Variants in NACC2 observed in about 807,000 individuals in gnomAD.
The protein encoded by NACC2 is NACC family member 2, also known as nucleus accumbens-associated protein 2.
NACC2 carries 8 observed loss-of-function variants against 25.1 expected under a neutral mutation model. That is an observed-to-expected ratio of 0.32 (90% CI 0.19 to 0.57). The LOEUF is 0.57. NACC2 is among the 20% of genes least tolerant of loss of function. The pLI is 0.89. For missense variants in NACC2, 644 were observed against 650.2 expected, an observed-to-expected ratio of 0.99 and a Z score of 0.10; for synonymous variants, 435 against 294.7, an observed-to-expected ratio of 1.48 and a Z score of -4.88.
intron 1 of NACC2, among the ~76,000 whole-genome samples, chr9:136,067,772 T>C (rs921474107): frequency 6.6e-6 from 1 of 152,072 alleles, no homozygotes; most frequent in African/African-American, 2.4e-5. Context: ...GAGGCGGAGG[T>C]TGCGGTGAGC....
intron 1 of NACC2, among the ~76,000 whole-genome samples, chr9:136,072,431 G>C (rs1830202812): frequency 6.6e-6 from 1 of 152,134 alleles, no homozygotes; most frequent in Non-Finnish European, 1.5e-5. Flanking sequence ...TATAATCCCA[G>C]CTACTTGAGA....
At chr9:136,071,691 T>A (rs1841154253) in intron 1 of NACC2, among the ~76,000 whole-genome samples, 1 of 152,098 alleles carries the variant, frequency 6.6e-6, no homozygotes, top group Non-Finnish European at 1.5e-5. Flanking sequence ...GGCTACCTGA[T>A]TTCAAGGCTT....
intron 1 of NACC2, among the ~76,000 whole-genome samples, chr9:136,091,063 G>A (rs1037115340): frequency 2.0e-5 from 3 of 152,178 alleles, no homozygotes; most frequent in Non-Finnish European, 4.4e-5. Context: ...AGAGAGACCC[G>A]GAGCCAGCCT....
At position 136,006,976 on chromosome 9, in the gene NACC2, TA is replaced by T. The variant is rs1396612288; in HGVS notation, c.*4539del. On this transcript the variant is annotated 3_prime_UTR_variant, in exon 6 of 6. Coordinates refer to ENST00000277554, the MANE Select transcript of NACC2 (RefSeq NM_144653.5). ...CTCTTTAAAACAACCGTCTCCTTTT[TA>T]AAAGTCTCTTTTTTCCAAACATTCC... 3.9e-5 allele frequency: 6 copies of T among 153,932 alleles called. No homozygotes were observed. Among genetic ancestry groups the T allele is most frequent in the African/African-American group, 1.4e-4 (6 of 41,524 alleles). 9.5% of individuals were successfully genotyped at this position (153,932 alleles called of 1,614,324 possible). A position where few individuals can be genotyped will look rare whatever the true frequency, so the allele number is the denominator to read the frequency against.
At chr9:136,088,270 C>T (rs7468849) in intron 1 of NACC2, among the ~76,000 whole-genome samples, 82,510 of 151,920 alleles carry the variant, frequency 0.54, 24,014 homozygotes, top group South Asian at 0.69. Context: ...CCACTGCCCA[C>T]ATCAGGCCCA....
chr9:136,056,990 G>A (rs1019333317), intron 1 of NACC2, among the ~76,000 whole-genome samples: 4 of 152,242 alleles, frequency 2.6e-5, no homozygotes, highest in African/African-American at 9.6e-5. Context: ...GGACACAGCA[G>A]GGGGTCTCTG....
At chr9:136,048,451 C>A (rs939613) in intron 2 of NACC2, among the ~76,000 whole-genome samples, 151,004 of 152,342 alleles carry the variant, frequency 0.99, 74,854 homozygotes, top group East Asian at 1. Context: ...AGTCTCAGGA[C>A]AAATCAAGCC....
At chr9:136,076,279 T>C (rs1830261955) in intron 1 of NACC2, among the ~76,000 whole-genome samples, 1 of 152,112 alleles carries the variant, frequency 6.6e-6, no homozygotes, top group Admixed American at 6.6e-5. Flanking sequence ...AACCCAACAA[T>C]CTATCCAGCC....
At chr9:136,057,936 G>A (rs143653445) in intron 1 of NACC2, among the ~76,000 whole-genome samples, 5 of 152,178 alleles carry the variant, frequency 3.3e-5, no homozygotes, top group African/African-American at 9.6e-5. Flanking sequence ...TAGAGACGGC[G>A]ACTTCGCGGC....
In NACC2 at chr9:136,055,913, G is replaced by A. The variant is rs1387460568; in HGVS notation, c.-59-5333C>T. On this transcript the variant is annotated intron_variant, in intron 1 of 5. Coordinates refer to ENST00000277554, the MANE Select transcript of NACC2 (RefSeq NM_144653.5). The surrounding 1 kb of genome is among the most constrained non-coding windows in gnomAD (Gnocchi z 4.9). The stretch of plus-strand genomic sequence containing the variant: ...CGTGAGAAGGTGTGGGGATGGGGCG[G>A]GCCTGCTGTGCCAGGTGCTCTGGAG... Among the ~76,000 whole-genome samples, 1 of 152,170 alleles carries A rather than the reference G, an allele frequency of 6.6e-6. No individual in the cohort carries two copies. Among genetic ancestry groups the A allele is most frequent in the African/African-American group, 2.4e-5 (1 of 41,434 alleles).
At chr9:136,031,884 TCTAA>T (rs1840479407) in intron 2 of NACC2, among the ~76,000 whole-genome samples, 1 of 151,626 alleles carries the variant, frequency 6.6e-6, no homozygotes, top group Non-Finnish European at 1.5e-5. Flanking sequence ...TCCCACCTCC[TCTAA>T]CTGTGAGGTT....
chr9:136,054,201 C>T (rs1249062307), intron 1 of NACC2, among the ~76,000 whole-genome samples: 9 of 152,230 alleles, frequency 5.9e-5, no homozygotes, highest in East Asian at 1.9e-4. Flanking sequence ...GGCGTCTTAA[C>T]GCCCAGCCCA....
At chr9:136,064,673 C>G (rs952854351) in intron 1 of NACC2, among the ~76,000 whole-genome samples, 3 of 152,176 alleles carry the variant, frequency 2.0e-5, no homozygotes, top group Admixed American at 2.0e-4. Flanking sequence ...AATGCAATCT[C>G]TATCAAAATT....
intron 1 of NACC2, among the ~76,000 whole-genome samples, chr9:136,083,117 TC>T (rs1320960354): frequency 6.6e-6 from 1 of 152,190 alleles, no homozygotes; most frequent in Non-Finnish European, 1.5e-5. Context: ...AGGGCCCTCT[TC>T]CTCGATGCCA....
chr9:136,027,629 AG>A (rs572582163), intron 2 of NACC2, among the ~76,000 whole-genome samples: 1 of 151,996 alleles, frequency 6.6e-6, no homozygotes, highest in Non-Finnish European at 1.5e-5. Context: ...CAAGGGCAAA[AG>A]GGAAAAAAAA....
chr9:136,071,064 A>C (rs1357976695), intron 1 of NACC2, among the ~76,000 whole-genome samples: 1 of 150,802 alleles, frequency 6.6e-6, no homozygotes, highest in African/African-American at 2.5e-5. Flanking sequence ...ACCCATCTCT[A>C]CTAAAAAAAA....
intron 1 of NACC2, among the ~76,000 whole-genome samples, chr9:136,069,733 G>C (rs1329039308): frequency 2.0e-5 from 3 of 151,814 alleles, no homozygotes; most frequent in African/African-American, 7.3e-5. Flanking sequence ...AGATAGAGTA[G>C]GACGTGACAT....
intron 1 of NACC2, among the ~76,000 whole-genome samples, chr9:136,085,890 G>A (rs1564244352): frequency 6.6e-6 from 1 of 152,274 alleles, no homozygotes. Context: ...AGAGCCCAGA[G>A]GCCGGGCGCC....
intron 1 of NACC2, among the ~76,000 whole-genome samples, chr9:136,059,282 G>A (rs1047217493): frequency 2.0e-5 from 3 of 152,180 alleles, no homozygotes; most frequent in East Asian, 1.9e-4. Flanking sequence ...ACAGGGGCCC[G>A]CAGAGCTAAG....
Sources: gnomAD v4.1 joint callset for allele counts (sites outside exome capture counted in the v4.1 genomes callset) on GRCh38, gnomAD v4.1.1 for gene constraint, Gnocchi (gnomAD v3.1) non-coding constraint, MANE v1.5 for transcripts, NCBI Gene and HGNC (gene_info 2026-07-23, HGNC 2026-07-21) for gene names.